Variants in CTNND2 observed in about 807,000 individuals in gnomAD.
CTNND2 encodes catenin delta-2.
A neutral mutation model predicts 144.4 loss-of-function variants in CTNND2; 22 were observed. The ratio of observed to expected loss-of-function variants is 0.15; its 90% CI spans 0.11 to 0.22. The LOEUF (loss-of-function observed/expected upper bound fraction) is 0.22. Among genes scored for constraint, CTNND2 ranks in the 10% least tolerant of loss-of-function variants. The pLI, the probability that CTNND2 is intolerant of heterozygous loss-of-function variation, is 1.00. For synonymous variants in CTNND2, 751 were observed against 695.6 expected (o/e 1.08, Z -1.25); for missense variants, 1,353 against 1,618.8 (o/e 0.84, Z 2.82).
intron 9 of CTNND2, 121 bp from the exon 10 acceptor site, chr5:11,236,944 G>T: frequency 9.2e-7 from 1 of 1,081,342 alleles, no homozygotes. Flanking sequence ...ATAAATGACT[G>T]TTCTGGTTTT....
At chr5:11,769,492 C>T (rs113500681) in intron 1 of CTNND2, among the ~76,000 whole-genome samples, 1,931 of 152,254 alleles carry the variant, frequency 0.013, 20 homozygotes, top group Admixed American at 0.026. Context: ...GAATATTATA[C>T]ATGCATATAA....
intron 15 of CTNND2, among the ~76,000 whole-genome samples, chr5:11,085,723 G>C (rs572311123): frequency 6.6e-6 from 1 of 152,340 alleles, no homozygotes; most frequent in South Asian, 2.1e-4. Context: ...CCATGCTGGG[G>C]AAAGAAAGGA....
chr5:11,646,928 C>T (rs771185215), intron 2 of CTNND2, among the ~76,000 whole-genome samples: 1 of 152,180 alleles, frequency 6.6e-6, no homozygotes, highest in African/African-American at 2.4e-5. Context: ...CCTGCACACA[C>T]AGTGCTTCCA....
chr5:11,165,253 T>C (rs377463077), intron 11 of CTNND2, among the ~76,000 whole-genome samples: 15 of 152,218 alleles, frequency 9.9e-5, no homozygotes, highest in African/African-American at 3.6e-4. Context: ...CACTGAAACA[T>C]ATTAATCTGC....
chr5:11,616,685 C>T (rs1780599395), intron 2 of CTNND2, among the ~76,000 whole-genome samples: 1 of 151,810 alleles, frequency 6.6e-6, no homozygotes, highest in African/African-American at 2.4e-5. Context: ...TGGCTCACTG[C>T]ACCCTCCACC....
intron 1 of CTNND2, among the ~76,000 whole-genome samples, chr5:11,762,293 A>T (rs1581841103): frequency 6.6e-6 from 1 of 152,282 alleles, no homozygotes; most frequent in East Asian, 1.9e-4. Flanking sequence ...TGAGGCATAA[A>T]GAAATTAAGT....
In CTNND2 at chr5:11,212,088, C is replaced by T. The variant is rs189991783; in HGVS notation, c.1762-12427G>A. 1.1e-3 allele frequency among the ~76,000 whole-genome samples: 162 copies of T among 151,776 alleles called. 2 individuals are homozygous for T. The highest frequency in any genetic ancestry group is 3.4e-3 in the African/African-American group (141 of 41,372). On this transcript the variant is annotated intron_variant, in intron 10 of 21. Coordinates refer to ENST00000304623, the MANE Select transcript of CTNND2 (RefSeq NM_001332.4). ...TTTTTTTTCTTTCTATTTTAGGTGACGGAGTCTCTCATATGTTTTGAAGAT... is the reference window on the plus strand; with the variant it reads ...TTTTTTTTCTTTCTATTTTAGGTGATGGAGTCTCTCATATGTTTTGAAGAT...
chr5:11,593,102 A>G (rs1181404663), intron 2 of CTNND2, among the ~76,000 whole-genome samples: 1 of 152,180 alleles, frequency 6.6e-6, no homozygotes, highest in Non-Finnish European at 1.5e-5. Flanking sequence ...CTAGATGTGA[A>G]AGATTAAATG....
chr5:11,752,755 T>C (rs1169248203), intron 1 of CTNND2, among the ~76,000 whole-genome samples: 1 of 151,890 alleles, frequency 6.6e-6, no homozygotes, highest in African/African-American at 2.4e-5. Flanking sequence ...TAGCATTCAA[T>C]CTATAAGTTG....
In CTNND2 at chr5:11,903,188, G is replaced by T. The variant is rs975597176; in HGVS notation, c.37+629C>A. ...CTTCCAAACCTGGCTTTCAGGCGGC[G>T]CTTTCTGGAGCCTGGCTGTCTATTG... On this transcript the variant is annotated intron_variant, in intron 1 of 21. Transcript: ENST00000304623. The surrounding 1 kb of genome is among the most constrained non-coding windows in gnomAD (Gnocchi z 5.4). 1 of 985,278 alleles carries T rather than the reference G, an allele frequency of 1.0e-6. No homozygotes were observed. The highest frequency in any genetic ancestry group is 6.1e-5 in the Admixed American group (1 of 16,270). The allele number at this position is 985,278 out of a possible 1,614,324, so 61.0% of individuals were successfully genotyped here.
At chr5:11,897,315 A>T (rs1423417666) in intron 1 of CTNND2, among the ~76,000 whole-genome samples, 4 of 152,246 alleles carry the variant, frequency 2.6e-5, no homozygotes, top group African/African-American at 4.8e-5. Flanking sequence ...TGTTTTAAAA[A>T]GTGAGCATTT....
intron 9 of CTNND2, among the ~76,000 whole-genome samples, chr5:11,299,590 G>A (rs183766351): frequency 1.8e-4 from 28 of 152,294 alleles, no homozygotes; most frequent in African/African-American, 6.5e-4. Context: ...GAAACCTCTG[G>A]AGAAGCTATG....
At chr5:11,742,508 A>AC (rs201623206) in intron 1 of CTNND2, among the ~76,000 whole-genome samples, 1 of 151,680 alleles carries the variant, frequency 6.6e-6, no homozygotes, top group Non-Finnish European at 1.5e-5. Context: ...TTCAGAGAAT[A>AC]CCCCCCTCCC....
chr5:11,756,352 C>A (rs1240483559), intron 1 of CTNND2, among the ~76,000 whole-genome samples: 1 of 151,560 alleles, frequency 6.6e-6, no homozygotes, highest in Non-Finnish European at 1.5e-5. Flanking sequence ...TCAATAATCA[C>A]CTCTAAGTAT....
intron 16 of CTNND2, among the ~76,000 whole-genome samples, chr5:11,077,597 AT>A (rs1445831748): frequency 3.3e-5 from 5 of 152,240 alleles, no homozygotes; most frequent in South Asian, 2.1e-4. Context: ...CAAAGACTTG[AT>A]TTTACACTGA....
chr5:11,333,735 T>C, intron 9 of CTNND2, among the ~76,000 whole-genome samples: 1 of 152,198 alleles, frequency 6.6e-6, no homozygotes, highest in East Asian at 1.9e-4. Flanking sequence ...AAGGCTCTAC[T>C]GACCCTGGCG....
Position 11,759,166 on chromosome 5 carries a change from C to G in CTNND2, c.38-26894G>C, listed in dbSNP as rs1003850396. Among the ~76,000 whole-genome samples the G allele has an allele frequency of 9.3e-5, 14 of 149,914 alleles. No individual in the cohort carries two copies. In the South Asian group the frequency reaches 2.8e-3, roughly 30 times the overall value. On this transcript the variant is annotated intron_variant, in intron 1 of 21. Transcript: ENST00000304623. ...TTGGAGGGAGAGGTCCAAGCATGAA[C>G]CTGATTATAATCTACCTTTTTATGT...
In CTNND2 at chr5:11,511,362, C is replaced by G. The variant is rs115826981; in HGVS notation, c.287+53582G>C. 7.0e-3 allele frequency among the ~76,000 whole-genome samples: 1,058 copies of G among 152,214 alleles called. 12 individuals carry two copies. Among genetic ancestry groups the G allele is most frequent in the African/African-American group, 0.024 (1,009 of 41,534 alleles). ...GAGTAATTGATCCAGAGTCCTGGCT[C>G]TGGGGAAGATGAGCGATGGCAGGGA... On this transcript the variant is annotated intron_variant, in intron 3 of 21. Coordinates refer to ENST00000304623, the MANE Select transcript of CTNND2 (RefSeq NM_001332.4).
chr5:11,893,355 G>C (rs1429508008), intron 1 of CTNND2, among the ~76,000 whole-genome samples: 2 of 152,126 alleles, frequency 1.3e-5, no homozygotes, highest in East Asian at 3.9e-4. Context: ...CCATTCAGAG[G>C]GGGACAGATT....
Sources: allele counts gnomAD v4.1 joint callset (sites outside exome capture counted in the v4.1 genomes callset), GRCh38; gene constraint gnomAD v4.1.1; non-coding constraint Gnocchi (gnomAD v3.1); transcripts MANE v1.5; gene names NCBI Gene and HGNC (gene_info 2026-07-23, HGNC 2026-07-21).